SCLT1: variants seen among roughly 807,000 people sequenced by gnomAD.
SCLT1 encodes sodium channel and clathrin linker 1.
In SCLT1, 78 loss-of-function variants were observed where a neutral mutation model predicts 112.8. The ratio of observed to expected loss-of-function variants is 0.69; its 90% CI spans 0.58 to 0.83. The LOEUF is 0.83. Among genes scored for constraint, SCLT1 ranks in the 40% least tolerant of loss-of-function variants. The pLI is 0.00. For synonymous variants in SCLT1, 257 were observed against 254.7 expected (o/e 1.01, Z -0.09); for missense variants, 747 against 770.4 (o/e 0.97, Z 0.36).
At chr4:129,018,798 G>C (rs895382476) in intron 5 of SCLT1, among the ~76,000 whole-genome samples, 1 of 151,972 alleles carries the variant, frequency 6.6e-6, no homozygotes, top group Non-Finnish European at 1.5e-5. Context: ...TCAATCAACA[G>C]ACCAACTACT....
Position 128,992,390 on chromosome 4 carries a change from T to G in SCLT1, c.616-153A>C, listed in dbSNP as rs566360840. Among the ~76,000 whole-genome samples, 4 of 152,062 alleles carry G rather than the reference T, an allele frequency of 2.6e-5. No individual in the cohort carries two copies. The South Asian group carries it at 8.3e-4, about 31-fold the overall frequency. The stretch of plus-strand genomic sequence containing the variant: ...GGTAAAACATAACCTTGGCCTTCTT[T>G]CCTTGCCTTTACTACTTCATTGGAT... On this transcript the variant is annotated intron_variant, in intron 8 of 20. Coordinates refer to ENST00000281142, the MANE Select transcript of SCLT1 (RefSeq NM_144643.4).
intron 2 of SCLT1, among the ~76,000 whole-genome samples, chr4:129,067,094 A>G (rs770018751): frequency 2.0e-5 from 3 of 152,302 alleles, no homozygotes; most frequent in East Asian, 1.9e-4. Context: ...TATCTTCTAT[A>G]TTTTGATGTA....
At chr4:129,000,338 T>C (rs929620082) in intron 6 of SCLT1, among the ~76,000 whole-genome samples, 59 of 152,118 alleles carry the variant, frequency 3.9e-4, no homozygotes, top group Middle Eastern at 3.4e-3. Flanking sequence ...GTGAGAATTT[T>C]GTAATTATTT....
chr4:128,998,906 A>G (rs1016886436), intron 7 of SCLT1, among the ~76,000 whole-genome samples: 1 of 151,948 alleles, frequency 6.6e-6, no homozygotes, highest in Admixed American at 6.6e-5. Flanking sequence ...ATGAAAACCA[A>G]CTTATTTAAA....
At chr4:128,934,947 A>G (rs1737066611) in intron 18 of SCLT1, among the ~76,000 whole-genome samples, 1 of 151,996 alleles carries the variant, frequency 6.6e-6, no homozygotes, top group Non-Finnish European at 1.5e-5. Flanking sequence ...CTGCTATAGA[A>G]TAGATGCCTT....
At chr4:128,936,334 G>T (rs1009216124) in intron 18 of SCLT1, among the ~76,000 whole-genome samples, 1 of 152,086 alleles carries the variant, frequency 6.6e-6, no homozygotes, top group Admixed American at 6.5e-5. Flanking sequence ...CTGAGGAAGG[G>T]TCAGAGAATT....
At chr4:128,945,966 T>A in intron 16 of SCLT1, 41 bp downstream of exon 16, 1 of 1,427,360 alleles carries the variant, frequency 7.0e-7, no homozygotes, top group Non-Finnish European at 9.7e-7. Context: ...TTGTGTGAAT[T>A]CTGAAGATGT....
chr4:128,945,207 A>G (rs888521680), intron 16 of SCLT1, among the ~76,000 whole-genome samples: 4 of 152,180 alleles, frequency 2.6e-5, no homozygotes, highest in Non-Finnish European at 4.4e-5. Flanking sequence ...CTTTTATTCA[A>G]TACTCCTCCC....
At chr4:128,982,662 C>T (rs765458062) in intron 9 of SCLT1, among the ~76,000 whole-genome samples, 12 of 151,934 alleles carry the variant, frequency 7.9e-5, no homozygotes, top group Admixed American at 2.0e-4. Context: ...TCACCATGCC[C>T]GGCTAATTTT....
chr4:128,959,152 A>G (rs1444425327), intron 12 of SCLT1, among the ~76,000 whole-genome samples: 1 of 152,224 alleles, frequency 6.6e-6, no homozygotes, highest in Non-Finnish European at 1.5e-5. Flanking sequence ...TTAAAAAAGA[A>G]CAGTGACATG....
chr4:128,958,722 A>T (rs1448252659), intron 12 of SCLT1, among the ~76,000 whole-genome samples: 1 of 152,180 alleles, frequency 6.6e-6, no homozygotes, highest in South Asian at 2.1e-4. Flanking sequence ...CCTCTTAACC[A>T]TTCTAAAAGA....
chr4:128,933,764 TTGAG>T (rs1173638461), intron 18 of SCLT1, among the ~76,000 whole-genome samples: 3 of 152,126 alleles, frequency 2.0e-5, no homozygotes, highest in African/African-American at 4.8e-5. Context: ...TTTATTCAAT[TTGAG>T]TTTCTTCTCT....
intron 8 of SCLT1, 57 bp downstream of exon 8, chr4:128,997,813 CATAA>C: frequency 1.3e-6 from 1 of 783,202 alleles, no homozygotes; most frequent in Non-Finnish European, 2.0e-6. Flanking sequence ...TTTATATTAA[CATAA>C]ATAAATATGA....
chr4:128,981,652 C>CT (rs1741662505), intron 9 of SCLT1, among the ~76,000 whole-genome samples: 1 of 151,228 alleles, frequency 6.6e-6, no homozygotes, highest in Admixed American at 6.6e-5. Flanking sequence ...CACTGGCCCC[C>CT]TACCCGCCAA....
At chr4:128,986,140 C>T (rs537674384) in intron 9 of SCLT1, among the ~76,000 whole-genome samples, 1 of 152,200 alleles carries the variant, frequency 6.6e-6, no homozygotes, top group Admixed American at 6.5e-5. Flanking sequence ...CCAGGCAGTG[C>T]AGAGTGGACA....
chr4:128,932,348 T>C (rs1736844283), intron 18 of SCLT1, among the ~76,000 whole-genome samples: 1 of 152,122 alleles, frequency 6.6e-6, no homozygotes, highest in South Asian at 2.1e-4. Flanking sequence ...TAACCTTATA[T>C]ATTAAAATAT....
chr4:128,940,402 A>G (rs1029827149), intron 17 of SCLT1, among the ~76,000 whole-genome samples: 5 of 152,010 alleles, frequency 3.3e-5, no homozygotes, highest in Non-Finnish European at 5.9e-5. Flanking sequence ...CAAAACTCAG[A>G]TAATCCCTTC....
intron 6 of SCLT1, among the ~76,000 whole-genome samples, chr4:129,003,144 T>A (rs934701366): frequency 6.6e-6 from 1 of 152,086 alleles, no homozygotes; most frequent in Non-Finnish European, 1.5e-5. Flanking sequence ...GGGACATGGA[T>A]GAAGCTGGAA....
At chr4:128,985,055 A>C (rs1406043039) in intron 9 of SCLT1, among the ~76,000 whole-genome samples, 5 of 152,148 alleles carry the variant, frequency 3.3e-5, no homozygotes, top group African/African-American at 4.8e-5. Flanking sequence ...ATGTGTTTCT[A>C]AATGATGCAC....
Sources: gnomAD v4.1 joint callset for allele counts (sites outside exome capture counted in the v4.1 genomes callset) on GRCh38, gnomAD v4.1.1 for gene constraint, MANE v1.5 for transcripts, NCBI Gene and HGNC (gene_info 2026-07-23, HGNC 2026-07-21) for gene names.